The following MEI4 variants were observed in gnomAD, a reference collection of about 807,000 sequenced individuals.
MEI4 encodes the protein meiotic double-stranded break formation protein 4.
Under a neutral mutation model 31.4 loss-of-function variants are expected in MEI4, and 27 were observed. That is an observed-to-expected ratio of 0.86 (90% CI 0.63 to 1.19). MEI4 has a LOEUF of 1.19. Ranked by LOEUF, MEI4 falls within the 50% of genes most tolerant of loss-of-function variation. The pLI, the probability that MEI4 is intolerant of heterozygous loss-of-function variation, is 0.00. For missense variants in MEI4, 329 were observed against 398.9 expected, an observed-to-expected ratio of 0.82 and a Z score of 1.49; for synonymous variants, 122 against 145.4, an observed-to-expected ratio of 0.84 and a Z score of 1.16.
intron 4 of MEI4, among the ~76,000 whole-genome samples, chr6:77,876,955 T>C (rs1369255578): frequency 6.6e-6 from 1 of 152,084 alleles, no homozygotes; most frequent in Non-Finnish European, 1.5e-5. Flanking sequence ...AGAGTGAAAT[T>C]TTAAATGTTA....
intron 2 of MEI4, among the ~76,000 whole-genome samples, chr6:77,696,855 A>T (rs1192058862): frequency 6.6e-6 from 1 of 152,130 alleles, no homozygotes; most frequent in African/African-American, 2.4e-5. Context: ...AGCTCCTCCT[A>T]GTACCTCTGG....
chr6:77,700,184 C>T (rs186271359), intron 2 of MEI4, among the ~76,000 whole-genome samples: 1 of 152,226 alleles, frequency 6.6e-6, no homozygotes, highest in African/African-American at 2.4e-5. Context: ...CTGTGCCCTG[C>T]CCCTAGAGGT....
chr6:77,867,848 C>G (rs1380574236), intron 4 of MEI4, among the ~76,000 whole-genome samples: 1 of 151,982 alleles, frequency 6.6e-6, no homozygotes, highest in Non-Finnish European at 1.5e-5. Flanking sequence ...CTGGATTAAG[C>G]AAATGTGACA....
intron 2 of MEI4, among the ~76,000 whole-genome samples, chr6:77,696,963 A>G (rs1288749402): frequency 6.6e-6 from 1 of 152,134 alleles, no homozygotes; most frequent in Non-Finnish European, 1.5e-5. Context: ...TGGTCTATTG[A>G]GAGATTCAAC....
chr6:77,677,485 T>C (rs763084463), intron 1 of MEI4, among the ~76,000 whole-genome samples: 22 of 152,356 alleles, frequency 1.4e-4, no homozygotes, highest in Non-Finnish European at 2.9e-4. Context: ...CCTAGTATAG[T>C]GTATCTAATG....
chr6:77,853,838 T>C (rs1335925316), intron 4 of MEI4, among the ~76,000 whole-genome samples: 1 of 152,208 alleles, frequency 6.6e-6, no homozygotes, highest in African/African-American at 2.4e-5. Context: ...CTGTTTTTGA[T>C]TATTCATTCT....
At chr6:77,796,267 A>G (rs937125272) in intron 3 of MEI4, among the ~76,000 whole-genome samples, 1 of 152,198 alleles carries the variant, frequency 6.6e-6, no homozygotes, top group Non-Finnish European at 1.5e-5. Flanking sequence ...AGCTAACATC[A>G]TACTCAGTGG....
At chr6:77,703,921 G>A (rs1766276115) in intron 2 of MEI4, among the ~76,000 whole-genome samples, 2 of 152,170 alleles carry the variant, frequency 1.3e-5, no homozygotes, top group African/African-American at 4.8e-5. Context: ...GACTGTGAGT[G>A]TGAGGGCGGG....
intron 2 of MEI4, among the ~76,000 whole-genome samples, chr6:77,716,087 C>G (rs1256529315): frequency 6.6e-6 from 1 of 152,146 alleles, no homozygotes; most frequent in African/African-American, 2.4e-5. Flanking sequence ...GTGCCTGGCA[C>G]CATGCTAAGT....
intron 1 of MEI4, among the ~76,000 whole-genome samples, chr6:77,661,815 A>AG (rs1768516050): frequency 6.6e-6 from 1 of 151,826 alleles, no homozygotes; most frequent in Non-Finnish European, 1.5e-5. Context: ...GAAGTTTCAG[A>AG]GGGGGAGTAG....
chr6:77,873,580 T>C (rs554623579), intron 4 of MEI4, among the ~76,000 whole-genome samples: 1 of 152,354 alleles, frequency 6.6e-6, no homozygotes, highest in African/African-American at 2.4e-5. Flanking sequence ...TGGTAGTTTC[T>C]TTTGCTGTGC....
chr6:77,885,744 C>G (rs1771604199), intron 4 of MEI4, among the ~76,000 whole-genome samples: 1 of 151,970 alleles, frequency 6.6e-6, no homozygotes, highest in Non-Finnish European at 1.5e-5. Flanking sequence ...TTGTCTTGTT[C>G]CAGTTATTAG....
chr6:77,803,558 G>A (rs1769337929), intron 3 of MEI4, among the ~76,000 whole-genome samples: 2 of 152,186 alleles, frequency 1.3e-5, no homozygotes, highest in African/African-American at 4.8e-5. Context: ...CTGATTTTTG[G>A]AGTTTCCAGT....
intron 2 of MEI4, 110 bp downstream of exon 2, chr6:77,691,013 A>G (rs544333603): frequency 2.0e-4 from 97 of 492,160 alleles, no homozygotes; most frequent in African/African-American, 1.8e-3. Context: ...TTTCCATGAA[A>G]GCTCGACATC....
intron 4 of MEI4, among the ~76,000 whole-genome samples, chr6:77,845,315 T>G (rs886967250): frequency 5.9e-5 from 9 of 152,180 alleles, no homozygotes; most frequent in African/African-American, 2.2e-4. Context: ...AAGATAATCC[T>G]TATTTTTCAG....
chr6:77,703,217 C>A (rs1018655017), intron 2 of MEI4, among the ~76,000 whole-genome samples: 7 of 152,160 alleles, frequency 4.6e-5, no homozygotes, highest in African/African-American at 1.7e-4. Flanking sequence ...ATACTTGGAA[C>A]AAAATGGCCT....
At chr6:77,860,480 T>TA (rs1394902469) in intron 4 of MEI4, among the ~76,000 whole-genome samples, 1 of 152,186 alleles carries the variant, frequency 6.6e-6, no homozygotes, top group East Asian at 1.9e-4. Context: ...TGAAATGCTA[T>TA]AAAATGATTT....
At chr6:77,846,094 C>T (rs1770476923) in intron 4 of MEI4, among the ~76,000 whole-genome samples, 1 of 151,424 alleles carries the variant, frequency 6.6e-6, no homozygotes, top group Non-Finnish European at 1.5e-5. Flanking sequence ...TTGAGTTTAT[C>T]TTCAATATGA....
intron 3 of MEI4, among the ~76,000 whole-genome samples, chr6:77,813,601 C>T (rs964173583): frequency 2.0e-5 from 3 of 151,810 alleles, no homozygotes; most frequent in Non-Finnish European, 2.9e-5. Context: ...TTCTTTCCAC[C>T]ATCATGTCAT....
Sources: allele counts gnomAD v4.1 joint callset (sites outside exome capture counted in the v4.1 genomes callset), GRCh38; gene constraint gnomAD v4.1.1; transcripts MANE v1.5; gene names NCBI Gene and HGNC (gene_info 2026-07-23, HGNC 2026-07-21).